Variants in PPP1R1C observed in about 807,000 individuals in gnomAD.
PPP1R1C encodes the protein protein phosphatase 1 regulatory inhibitor subunit 1C.
In PPP1R1C, 15 loss-of-function variants were observed where a neutral mutation model predicts 17.4. The observed-to-expected ratio is 0.86, with a 90% CI of 0.58 to 1.33. The LOEUF (loss-of-function observed/expected upper bound fraction) is 1.33, where lower values mean the gene tolerates loss of function less well. Ranked by LOEUF, PPP1R1C falls within the 40% of genes most tolerant of loss-of-function variation. The pLI is 0.00. For missense variants in PPP1R1C, 143 were observed against 130.0 expected (o/e 1.10, Z -0.48); for synonymous variants, 35 against 43.1 (o/e 0.81, Z 0.73).
intron 2 of PPP1R1C, among the ~76,000 whole-genome samples, chr2:182,024,944 A>G (rs530736579): frequency 6.7e-6 from 1 of 150,256 alleles, no homozygotes; most frequent in Non-Finnish European, 1.5e-5. Flanking sequence ...AAAAATTAAT[A>G]TATTCTTCTT....
intron 5 of PPP1R1C, among the ~76,000 whole-genome samples, chr2:182,123,015 CT>C (rs1388132671): frequency 6.6e-6 from 1 of 152,204 alleles, no homozygotes; most frequent in African/African-American, 2.4e-5. Flanking sequence ...AGCCCCCCGC[CT>C]TGACAGGCCC....
chr2:181,986,824 G>A (rs1020919093), intron 1 of PPP1R1C, among the ~76,000 whole-genome samples: 2 of 152,112 alleles, frequency 1.3e-5, no homozygotes, highest in African/African-American at 4.8e-5. Flanking sequence ...TTCATATTCA[G>A]ATTTACTTAG....
At chr2:182,010,695 T>C (rs1330634181) in intron 2 of PPP1R1C, among the ~76,000 whole-genome samples, 2 of 152,064 alleles carry the variant, frequency 1.3e-5, no homozygotes, top group Non-Finnish European at 2.9e-5. Context: ...GGCCTTATTG[T>C]GTTTTAGGTC....
intron 4 of PPP1R1C, among the ~76,000 whole-genome samples, chr2:182,107,779 C>T (rs757699014): frequency 1.8e-4 from 28 of 152,104 alleles, no homozygotes; most frequent in Non-Finnish European, 3.8e-4. Context: ...ATCTAATGAG[C>T]TTGCTTTCTA....
At chr2:182,035,558 TG>T (rs557597810) in intron 2 of PPP1R1C, among the ~76,000 whole-genome samples, 107 of 152,280 alleles carry the variant, frequency 7.0e-4, no homozygotes, top group Non-Finnish European at 1.3e-3. Flanking sequence ...GATTGAATCA[TG>T]GGGGTGGTTT....
chr2:181,981,760 A>T (rs1386467678), upstream of PPP1R1C, among the ~76,000 whole-genome samples: 6 of 152,218 alleles, frequency 3.9e-5, no homozygotes, highest in Non-Finnish European at 7.3e-5. Flanking sequence ...ATGAAGTTAC[A>T]ACTAGAATTG....
At chr2:182,076,192 C>CTTTT (rs1688296764) in intron 4 of PPP1R1C, among the ~76,000 whole-genome samples, 1 of 25,836 alleles carries the variant, frequency 3.9e-5, no homozygotes, top group African/African-American at 1.6e-4. Flanking sequence ...TTTTTTTTTT[C>CTTTT]TTTTCTTTTT....
chr2:181,970,788 A>T (rs1684993194), intron 1 of PPP1R1C, among the ~76,000 whole-genome samples: 1 of 152,112 alleles, frequency 6.6e-6, no homozygotes, highest in Non-Finnish European at 1.5e-5. Context: ...AAGCCATAAG[A>T]CAAAGTCCTT....
At chr2:182,041,609 C>CAAA (rs71405472) in intron 2 of PPP1R1C, among the ~76,000 whole-genome samples, 4,137 of 58,146 alleles carry the variant, frequency 0.071, 260 homozygotes, top group Admixed American at 0.19. Context: ...GACTCTGTCT[C>CAAA]AAAAAAAAAA....
chr2:182,077,089 T>G (rs547909475), intron 4 of PPP1R1C, among the ~76,000 whole-genome samples: 57 of 152,312 alleles, frequency 3.7e-4, no homozygotes, highest in African/African-American at 1.3e-3. Flanking sequence ...TACCTTCAAA[T>G]TTTTAGAAAA....
chr2:182,078,204 AT>A (rs1164094437), intron 4 of PPP1R1C, among the ~76,000 whole-genome samples: 1 of 152,174 alleles, frequency 6.6e-6, no homozygotes, highest in Non-Finnish European at 1.5e-5. Context: ...CATTTTTGGT[AT>A]GAAATGGGGT....
intron 5 of PPP1R1C, among the ~76,000 whole-genome samples, chr2:182,124,317 T>G (rs535247135): frequency 4.3e-4 from 36 of 83,332 alleles, no homozygotes; most frequent in East Asian, 3.6e-3. Context: ...TTTTTTTGTT[T>G]TTTTTTTTTG....
At chr2:182,121,582 G>T (rs1250851525), downstream of PPP1R1C, among the ~76,000 whole-genome samples, 5 of 152,008 alleles carry the variant, frequency 3.3e-5, no homozygotes, top group African/African-American at 1.2e-4. Flanking sequence ...CCACCTCCCG[G>T]GTTCAAGCGA....
intron 1 of PPP1R1C, among the ~76,000 whole-genome samples, chr2:181,958,913 G>A (rs1220446116): frequency 2.0e-5 from 3 of 152,220 alleles, no homozygotes; most frequent in Non-Finnish European, 4.4e-5. Flanking sequence ...GCTATTATGA[G>A]TAATGCTGTT....
At chr2:182,105,407 G>C (rs1253190993) in intron 4 of PPP1R1C, among the ~76,000 whole-genome samples, 1 of 152,170 alleles carries the variant, frequency 6.6e-6, no homozygotes, top group East Asian at 1.9e-4. Flanking sequence ...CTTCTCCATT[G>C]GGGTTCAGGC....
chr2:182,074,199 G>T (rs561310602), intron 4 of PPP1R1C, among the ~76,000 whole-genome samples: 16 of 151,900 alleles, frequency 1.1e-4, no homozygotes, highest in African/African-American at 3.6e-4. Context: ...CCGCCATCAC[G>T]CCCGGCTAAT....
At chr2:181,960,856 A>G (rs1684765867) in intron 1 of PPP1R1C, among the ~76,000 whole-genome samples, 1 of 152,200 alleles carries the variant, frequency 6.6e-6, no homozygotes, top group East Asian at 1.9e-4. Flanking sequence ...ATGAAACAAA[A>G]CAAGCTCTAG....
chr2:181,985,980 G>A lies in PPP1R1C; in HGVS notation c.-131G>A. 1.4e-6 allele frequency: 1 copy of A among 726,948 alleles called. No homozygotes were observed. Among genetic ancestry groups the A allele is most frequent in the Admixed American group, 2.1e-5 (1 of 46,844 alleles). 45.0% of individuals were successfully genotyped at this position (726,948 alleles called of 1,614,324 possible). On this transcript the variant is annotated 5_prime_UTR_variant, in exon 1 of 5. Transcript: ENST00000682840. This position sits in a 1 kb window ranked among gnomAD's most constrained non-coding sequence, Gnocchi z 4.1. ...TCGGCATCTTCACTTGCTCGATCTGGAATTACAGCTATTTATTACGAAGCA... is the reference window on the plus strand; with the variant it reads ...TCGGCATCTTCACTTGCTCGATCTGAAATTACAGCTATTTATTACGAAGCA...
chr2:182,029,379 C>T (rs1190510541), intron 2 of PPP1R1C, among the ~76,000 whole-genome samples: 3 of 152,116 alleles, frequency 2.0e-5, no homozygotes, highest in Middle Eastern at 3.4e-3. Flanking sequence ...TTTAGCACTT[C>T]CTTCAGGAGC....
Sources: allele counts gnomAD v4.1 joint callset (sites outside exome capture counted in the v4.1 genomes callset), GRCh38; gene constraint gnomAD v4.1.1; non-coding constraint Gnocchi (gnomAD v3.1); transcripts MANE v1.5; gene names NCBI Gene and HGNC (gene_info 2026-07-23, HGNC 2026-07-21).